PAK1: variants seen among roughly 807,000 people sequenced by gnomAD.
PAK1 encodes serine/threonine-protein kinase PAK 1.
A neutral mutation model predicts 67.4 loss-of-function variants in PAK1; 29 were observed. The observed-to-expected ratio is 0.43, with a 90% CI of 0.32 to 0.59. The LOEUF (loss-of-function observed/expected upper bound fraction) is 0.59, where lower values mean the gene tolerates loss of function less well. PAK1 is among the 20% of genes least tolerant of loss of function. The probability of loss-of-function intolerance (pLI) is 0.07; values close to 1 mark genes in which losing one functional copy is unlikely to be tolerated. For missense variants in PAK1, 337 were observed against 670.7 expected (o/e 0.50, Z 5.50); for synonymous variants, 223 against 237.4 (o/e 0.94, Z 0.56).
At chr11:77,510,300 C>G in the PAK1 span, among the ~76,000 whole-genome samples, 2 of 152,194 alleles carry the variant, frequency 1.3e-5, no homozygotes, top group East Asian at 1.9e-4. Flanking sequence ...CATGGTCATA[C>G]TTCTGTGGTG....
intron 9 of PAK1, among the ~76,000 whole-genome samples, chr11:77,347,393 T>C (rs1341169023): frequency 6.6e-6 from 1 of 152,142 alleles, no homozygotes; most frequent in Non-Finnish European, 1.5e-5. Context: ...TCCCTGGTAA[T>C]TGCTGACAGT....
chr11:77,440,567 T>G (rs1198958996), intron 1 of PAK1, among the ~76,000 whole-genome samples: 1 of 152,124 alleles, frequency 6.6e-6, no homozygotes, highest in East Asian at 1.9e-4. Context: ...ATAGAAAACC[T>G]GGAACTTGAC....
intron 2 of PAK1, among the ~76,000 whole-genome samples, chr11:77,386,913 A>G (rs1950515244): frequency 6.6e-6 from 1 of 152,064 alleles, no homozygotes; most frequent in South Asian, 2.1e-4. Context: ...AGCTGGAATT[A>G]CAGGTGCCCA....
chr11:77,423,757 C>A (rs781411915), intron 1 of PAK1, among the ~76,000 whole-genome samples: 43 of 152,188 alleles, frequency 2.8e-4, no homozygotes, highest in Non-Finnish European at 5.3e-4. Flanking sequence ...TAACTCAACT[C>A]TGCCTTTGTA....
intron 1 of PAK1, among the ~76,000 whole-genome samples, chr11:77,429,090 A>C (rs907468350): frequency 3.4e-5 from 4 of 116,298 alleles, no homozygotes; most frequent in Non-Finnish European, 6.3e-5. Flanking sequence ...AAAAAAAAAA[A>C]AAAACACACA....
the PAK1 span, among the ~76,000 whole-genome samples, chr11:77,487,865 C>G: frequency 6.6e-6 from 1 of 152,190 alleles, no homozygotes; most frequent in African/African-American, 2.4e-5. Context: ...ACTCACTGCC[C>G]TGAAGAGAAG....
At chr11:77,516,096 T>C in the PAK1 span, among the ~76,000 whole-genome samples, 1 of 152,364 alleles carries the variant, frequency 6.6e-6, no homozygotes, top group East Asian at 1.9e-4. Flanking sequence ...ACTTAACCTC[T>C]CTAAGCCTCA....
At chr11:77,365,843 A>G (rs984627332) in intron 5 of PAK1, among the ~76,000 whole-genome samples, 3 of 129,298 alleles carry the variant, frequency 2.3e-5, no homozygotes, top group Non-Finnish European at 3.3e-5. Flanking sequence ...AGAAAAAGAA[A>G]AAGAAAAAAA....
At chr11:77,508,939 C>T in the PAK1 span, among the ~76,000 whole-genome samples, 2 of 142,608 alleles carry the variant, frequency 1.4e-5, no homozygotes, top group East Asian at 2.3e-4. Context: ...GGATTACAGG[C>T]GTGAGCCACC....
intron 1 of PAK1, among the ~76,000 whole-genome samples, chr11:77,434,493 C>G (rs187491013): frequency 3.0e-4 from 45 of 151,936 alleles, no homozygotes; most frequent in Admixed American, 2.7e-3. Context: ...CACCCCCAGG[C>G]TGGAGAGCAG....
intron 1 of PAK1, among the ~76,000 whole-genome samples, chr11:77,459,281 T>C (rs1439540323): frequency 6.6e-6 from 1 of 151,980 alleles, no homozygotes; most frequent in African/African-American, 2.4e-5. Context: ...GGCAGAATAA[T>C]GAATAAATAA....
At chr11:77,458,510 T>A (rs1157894236) in intron 1 of PAK1, among the ~76,000 whole-genome samples, 1 of 152,242 alleles carries the variant, frequency 6.6e-6, no homozygotes, top group African/African-American at 2.4e-5. Flanking sequence ...TTTTTGTGCG[T>A]GTGATTCAGG....
the PAK1 span, among the ~76,000 whole-genome samples, chr11:77,493,817 T>C: frequency 6.6e-6 from 1 of 152,300 alleles, no homozygotes; most frequent in African/African-American, 2.4e-5. Flanking sequence ...TGAGCATGTC[T>C]CACGATTAGG....
rs116282336 is a variant in PAK1 at position 77,374,791 on chromosome 11, C to A, written c.440-426G>T. Among the ~76,000 whole-genome samples the A allele has an allele frequency of 6.6e-4, 101 of 152,234 alleles. 1 individual carries two copies. Among genetic ancestry groups the A allele is most frequent in the African/African-American group, 2.4e-3 (98 of 41,538 alleles). The stretch of plus-strand genomic sequence containing the variant: ...TTCTAGGCTACAAACCTGTACAGCA[C>A]GTTACTGCAGGCAACTGTAACACAA... On this transcript the variant is annotated intron_variant, in intron 4 of 14. Coordinates refer to ENST00000356341, the MANE Select transcript of PAK1 (RefSeq NM_002576.5).
At chr11:77,397,303 A>G (rs1183205934) in intron 1 of PAK1, 2 of 152,238 alleles carry the variant, frequency 1.3e-5, no homozygotes, top group Non-Finnish European at 2.9e-5. Context: ...ATGACTCTAT[A>G]ATAAATGCAG....
the PAK1 span, among the ~76,000 whole-genome samples, chr11:77,486,520 T>G: frequency 6.6e-6 from 1 of 152,114 alleles, no homozygotes; most frequent in Non-Finnish European, 1.5e-5. Flanking sequence ...TCATATTACT[T>G]AAAGAGCACA....
chr11:77,364,898 T>C (rs1947288089), intron 5 of PAK1, among the ~76,000 whole-genome samples: 1 of 151,896 alleles, frequency 6.6e-6, no homozygotes, highest in Non-Finnish European at 1.5e-5. Context: ...AAATAACAAA[T>C]GAAAAACTCA....
intron 2 of PAK1, among the ~76,000 whole-genome samples, chr11:77,388,910 A>G (rs550733315): frequency 5.9e-5 from 9 of 152,310 alleles, no homozygotes; most frequent in African/African-American, 2.2e-4. Context: ...CTTTTTTAAA[A>G]ATCAGCTTTA....
chr11:77,339,831 T>TC (rs1943309948), intron 11 of PAK1, among the ~76,000 whole-genome samples: 1 of 152,052 alleles, frequency 6.6e-6, no homozygotes, highest in East Asian at 1.9e-4. Context: ...TTGGTATTTT[T>TC]TTTTTTTTAA....
Sources: gnomAD v4.1 joint callset for allele counts (sites outside exome capture counted in the v4.1 genomes callset) on GRCh38, gnomAD v4.1.1 for gene constraint, MANE v1.5 for transcripts, NCBI Gene and HGNC (gene_info 2026-07-23, HGNC 2026-07-21) for gene names.